The following IGF2BP2 variants were observed in gnomAD, a reference collection of about 807,000 sequenced individuals.
IGF2BP2 encodes the protein insulin like growth factor 2 mRNA binding protein 2, also known as insulin-like growth factor 2 mRNA-binding protein 2.
A neutral mutation model predicts 75.8 loss-of-function variants in IGF2BP2; 17 were observed. That is an observed-to-expected ratio of 0.22 (90% CI 0.15 to 0.34). The LOEUF (loss-of-function observed/expected upper bound fraction) is 0.34. IGF2BP2 is among the 10% of genes least tolerant of loss of function. The pLI is 1.00. For synonymous variants in IGF2BP2, 288 were observed against 295.6 expected, an observed-to-expected ratio of 0.97 and a Z score of 0.26; for missense variants, 516 against 772.4, an observed-to-expected ratio of 0.67 and a Z score of 3.93.
intron 2 of IGF2BP2, among the ~76,000 whole-genome samples, chr3:185,711,335 T>C (rs1724761996): frequency 6.6e-6 from 1 of 152,228 alleles, no homozygotes; most frequent in Non-Finnish European, 1.5e-5. Flanking sequence ...CCACAGCTTC[T>C]AGGCTAGTGA....
At chr3:185,766,062 G>A (rs1474948407) in intron 2 of IGF2BP2, among the ~76,000 whole-genome samples, 1 of 152,138 alleles carries the variant, frequency 6.6e-6, no homozygotes, top group Non-Finnish European at 1.5e-5. Context: ...GGGAGAAAAT[G>A]TGGAGGTTCT....
intron 2 of IGF2BP2, among the ~76,000 whole-genome samples, chr3:185,782,576 C>T (rs532108471): frequency 3.3e-5 from 5 of 152,244 alleles, no homozygotes; most frequent in African/African-American, 7.2e-5. Context: ...TTGAAAAGGG[C>T]TTTCCACTAT....
At chr3:185,651,247 G>A (rs577830181) in intron 13 of IGF2BP2, among the ~76,000 whole-genome samples, 4 of 152,138 alleles carry the variant, frequency 2.6e-5, no homozygotes, top group East Asian at 1.9e-4. Context: ...CTTTTACTTC[G>A]TGTGATGGTC....
At chr3:185,732,783 A>G (rs892031178) in intron 2 of IGF2BP2, among the ~76,000 whole-genome samples, 5 of 152,224 alleles carry the variant, frequency 3.3e-5, no homozygotes, top group Non-Finnish European at 7.3e-5. Flanking sequence ...ATTAGAGAAA[A>G]TATTTTTTCC....
intron 13 of IGF2BP2, among the ~76,000 whole-genome samples, chr3:185,649,812 G>C (rs1560223150): frequency 6.6e-6 from 1 of 152,218 alleles, no homozygotes; most frequent in South Asian, 2.1e-4. Context: ...CTGTGTGTCA[G>C]GGCTAAGGGG....
intron 2 of IGF2BP2, among the ~76,000 whole-genome samples, chr3:185,819,109 G>A (rs906061094): frequency 3.3e-5 from 5 of 151,922 alleles, no homozygotes; most frequent in Admixed American, 1.3e-4. Context: ...TCTACCAAAC[G>A]ATAATCTCAG....
intron 2 of IGF2BP2, among the ~76,000 whole-genome samples, chr3:185,699,432 G>A (rs1270120178): frequency 6.6e-6 from 1 of 151,972 alleles, no homozygotes; most frequent in Admixed American, 6.6e-5. Context: ...ACCTAACAAG[G>A]CAAAATGCCA....
At chr3:185,698,183 G>C (rs1237278732) in intron 3 of IGF2BP2, 116 bp downstream of exon 3, 1 of 834,056 alleles carries the variant, frequency 1.2e-6, no homozygotes, top group East Asian at 2.5e-5. Context: ...AAAAGAAAGA[G>C]GCAGGACCCA....
intron 2 of IGF2BP2, among the ~76,000 whole-genome samples, chr3:185,708,622 G>T (rs2149404720): frequency 6.6e-6 from 1 of 152,210 alleles, no homozygotes; most frequent in Non-Finnish European, 1.5e-5. Context: ...AGGGCCTGAG[G>T]GTGGAATGGT....
At chr3:185,823,323 C>A in intron 1 of IGF2BP2, 110 bp from the exon 2 acceptor site, 1 of 727,308 alleles carries the variant, frequency 1.4e-6, no homozygotes, top group Non-Finnish European at 2.2e-6. Context: ...CGGGCGCCCC[C>A]AAGGGGTCTC....
chr3:185,729,374 G>T (rs548879424), intron 2 of IGF2BP2, among the ~76,000 whole-genome samples: 4 of 152,084 alleles, frequency 2.6e-5, no homozygotes, highest in Non-Finnish European at 5.9e-5. Flanking sequence ...AATAAAGTCC[G>T]CCTGTCACTG....
At chr3:185,654,288 G>C (rs935985977) in intron 12 of IGF2BP2, among the ~76,000 whole-genome samples, 1 of 152,170 alleles carries the variant, frequency 6.6e-6, no homozygotes, top group Non-Finnish European at 1.5e-5. Flanking sequence ...CCAGGGGTCT[G>C]ACACCCTCTG....
intron 7 of IGF2BP2, among the ~76,000 whole-genome samples, chr3:185,678,932 A>G (rs1719956962): frequency 6.6e-6 from 1 of 152,172 alleles, no homozygotes; most frequent in South Asian, 2.1e-4. Flanking sequence ...TGATAATAGT[A>G]TAGCTACTCC....
chr3:185,777,235 G>C (rs374842847), intron 2 of IGF2BP2, among the ~76,000 whole-genome samples: 1 of 152,176 alleles, frequency 6.6e-6, no homozygotes, highest in Non-Finnish European at 1.5e-5. Context: ...ATAAAGAAGA[G>C]TTAAGTTTTT....
At chr3:185,686,981 A>G in intron 7 of IGF2BP2, 76 bp downstream of exon 7, 14 of 1,533,680 alleles carry the variant, frequency 9.1e-6, no homozygotes, top group Non-Finnish European at 1.1e-5. Flanking sequence ...TTTTTAAAAA[A>G]AACCTCTTGG....
At chr3:185,649,077 CCT>C (rs1426957706) in intron 14 of IGF2BP2, among the ~76,000 whole-genome samples, 3 of 152,004 alleles carry the variant, frequency 2.0e-5, no homozygotes, top group African/African-American at 7.2e-5. Context: ...CAGAAGACAG[CCT>C]CTCTGTTTTC....
intron 2 of IGF2BP2, among the ~76,000 whole-genome samples, chr3:185,809,752 C>T (rs1256792087): frequency 2.0e-5 from 3 of 152,018 alleles, no homozygotes; most frequent in African/African-American, 4.8e-5. Context: ...TCTGAAAATA[C>T]AGACGAAAAA....
intron 7 of IGF2BP2, 147 bp downstream of exon 7, chr3:185,686,910 G>T: frequency 1.2e-6 from 1 of 824,536 alleles, no homozygotes; most frequent in Non-Finnish European, 1.9e-6. Context: ...TATTCTACTT[G>T]GGAACAAATT....
chr3:185,684,397 C>T (rs1173464797), intron 7 of IGF2BP2, among the ~76,000 whole-genome samples: 2 of 145,628 alleles, frequency 1.4e-5, no homozygotes, highest in Admixed American at 6.9e-5. Context: ...TGTAGAATTT[C>T]TTTTTTTTTT....
Sources: allele counts gnomAD v4.1 joint callset (sites outside exome capture counted in the v4.1 genomes callset), GRCh38; gene constraint gnomAD v4.1.1; transcripts MANE v1.5; gene names NCBI Gene and HGNC (gene_info 2026-07-23, HGNC 2026-07-21).